The following MTA3 variants were observed in gnomAD, a reference collection of about 807,000 sequenced individuals.
MTA3 encodes metastasis associated 1 family member 3.
MTA3 carries 34 observed loss-of-function variants against 83.5 expected under a neutral mutation model. The observed-to-expected ratio is 0.41, with a 90% CI of 0.31 to 0.54. The LOEUF is 0.54. MTA3 is among the 20% of genes least tolerant of loss of function. The probability of loss-of-function intolerance (pLI) is 0.33; values close to 1 mark genes in which losing one functional copy is unlikely to be tolerated. For synonymous variants in MTA3, 303 were observed against 252.7 expected, an observed-to-expected ratio of 1.20 and a Z score of -1.89; for missense variants, 761 against 726.4, an observed-to-expected ratio of 1.05 and a Z score of -0.55.
intron 5 of MTA3, among the ~76,000 whole-genome samples, chr2:42,643,736 G>A (rs1410919400): frequency 2.0e-5 from 3 of 152,204 alleles, no homozygotes; most frequent in Non-Finnish European, 2.9e-5. Flanking sequence ...CCTGGTATCT[G>A]TGAAGTCTTC....
At chr2:42,637,207 A>G (rs1000273011) in intron 4 of MTA3, among the ~76,000 whole-genome samples, 2 of 152,232 alleles carry the variant, frequency 1.3e-5, no homozygotes, top group African/African-American at 4.8e-5. Flanking sequence ...TTTTCTTTAT[A>G]GCAATTCTGT....
chr2:42,661,374 G>T (rs374303482), intron 8 of MTA3, among the ~76,000 whole-genome samples: 146 of 151,904 alleles, frequency 9.6e-4, no homozygotes, highest in Non-Finnish European at 1.7e-3. Flanking sequence ...GGTGGCATGC[G>T]CCTGTCTTCC....
chr2:42,529,285 A>T (rs1459626097), intron 2 of MTA3, among the ~76,000 whole-genome samples: 1 of 152,154 alleles, frequency 6.6e-6, no homozygotes, highest in Non-Finnish European at 1.5e-5. Flanking sequence ...TCCTATTCTA[A>T]GCAGTCCCCA....
chr2:42,657,643 G>A (rs1288968365), intron 7 of MTA3, among the ~76,000 whole-genome samples: 1 of 151,728 alleles, frequency 6.6e-6, no homozygotes, highest in Non-Finnish European at 1.5e-5. Context: ...AAATAATCTT[G>A]TAGGCTGGGA....
chr2:42,560,985 A>G (rs1677648837), intron 2 of MTA3, among the ~76,000 whole-genome samples: 2 of 152,180 alleles, frequency 1.3e-5, no homozygotes, highest in Non-Finnish European at 2.9e-5. Context: ...TATATTTAGA[A>G]TAAAATCCAA....
chr2:42,617,484 A>C (rs1223377666), intron 4 of MTA3, among the ~76,000 whole-genome samples: 1 of 152,216 alleles, frequency 6.6e-6, no homozygotes, highest in Non-Finnish European at 1.5e-5. Flanking sequence ...ATGAGTAGAT[A>C]GATATATAAT....
intron 4 of MTA3, among the ~76,000 whole-genome samples, chr2:42,628,149 T>G (rs1686304669): frequency 6.6e-6 from 1 of 152,184 alleles, no homozygotes; most frequent in Non-Finnish European, 1.5e-5. Context: ...TCCAAAGTGT[T>G]GGGATTACAT....
Position 42,754,123 on chromosome 2 carries a change from T to C in MTA3, c.*724T>C, listed in dbSNP as rs2104613548. The C allele has an allele frequency of 1.0e-6, 1 of 985,490 alleles. No individual in the cohort carries two copies. 61.0% of individuals were successfully genotyped at this position (985,490 alleles called of 1,614,324 possible). A position where few individuals can be genotyped will look rare whatever the true frequency, so the allele number is the denominator to read the frequency against. ...AACTGGTGTTCTGCCCGGCTCTGCTTGGTCACAGACAGCTCCAGCAAGAGC... is the reference window on the plus strand; with the variant it reads ...AACTGGTGTTCTGCCCGGCTCTGCTCGGTCACAGACAGCTCCAGCAAGAGC... On this transcript the variant is annotated 3_prime_UTR_variant, in exon 17 of 17. Transcript: ENST00000405094.
In MTA3 at chr2:42,753,552, A is replaced by T. The variant is rs539203943; in HGVS notation, c.*153A>T. Reference sequence around the variant, plus strand: ...GGAGACGCAATGGGGCGGGGAAGGAACTGTGGGAGTGCACGTTCCAAATCC... The same window carrying T: ...GGAGACGCAATGGGGCGGGGAAGGATCTGTGGGAGTGCACGTTCCAAATCC... On this transcript the variant is annotated 3_prime_UTR_variant, in exon 17 of 17. Transcript: ENST00000405094. The T allele has an allele frequency of 2.7e-4, 389 of 1,462,666 alleles. 4 individuals carry two copies. In the South Asian group the frequency reaches 5.2e-3, roughly 20 times the overall value. The allele number at this position is 1,462,666 out of a possible 1,614,324, so 90.6% of individuals were successfully genotyped here. A position where few individuals can be genotyped will look rare whatever the true frequency, so the allele number is the denominator to read the frequency against.
intron 8 of MTA3, among the ~76,000 whole-genome samples, chr2:42,668,646 T>C: frequency 6.6e-6 from 1 of 152,224 alleles, no homozygotes; most frequent in South Asian, 2.1e-4. Flanking sequence ...TCTGATTTTA[T>C]AGCCTTATTG....
intron 8 of MTA3, among the ~76,000 whole-genome samples, chr2:42,660,299 G>T (rs1169539719): frequency 6.6e-6 from 1 of 152,286 alleles, no homozygotes; most frequent in African/African-American, 2.4e-5. Context: ...ATGTTGGCCA[G>T]GTTGGTCTCA....
At chr2:42,640,698 G>A (rs894500796) in intron 5 of MTA3, among the ~76,000 whole-genome samples, 5 of 152,130 alleles carry the variant, frequency 3.3e-5, no homozygotes, top group Non-Finnish European at 7.4e-5. Flanking sequence ...ACCTCAACAA[G>A]AAATGTAGTT....
intron 3 of MTA3, among the ~76,000 whole-genome samples, chr2:42,602,191 G>A (rs1682661177): frequency 6.6e-6 from 1 of 151,964 alleles, no homozygotes; most frequent in Admixed American, 6.6e-5. Context: ...TGCCTAGGCT[G>A]GTCTGGATCT....
chr2:42,756,594 G>A lies in MTA3; in HGVS notation c.*3195G>A. 1 of 985,694 alleles carries A rather than the reference G, an allele frequency of 1.0e-6. No individual in the cohort carries two copies. Among genetic ancestry groups the A allele is most frequent in the Non-Finnish European group, 1.2e-6 (1 of 830,106 alleles). The allele number at this position is 985,694 out of a possible 1,614,324, so 61.1% of individuals were successfully genotyped here. A position where few individuals can be genotyped will look rare whatever the true frequency, so the allele number is the denominator to read the frequency against. ...TGCCCCGTGGGTGTTTGGAGATTCT[G>A]TTTTACTCTGCCTAGAGAGGAAACG... On this transcript the variant is annotated 3_prime_UTR_variant, in exon 17 of 17. Transcript: ENST00000405094.
At chr2:42,627,307 G>T (rs1686201296) in intron 4 of MTA3, among the ~76,000 whole-genome samples, 1 of 151,998 alleles carries the variant, frequency 6.6e-6, no homozygotes, top group South Asian at 2.1e-4. Context: ...CTAACTCCTG[G>T]CCTCAAGTGA....
chr2:42,691,927 G>A (rs1163959482), intron 9 of MTA3, among the ~76,000 whole-genome samples: 2 of 152,198 alleles, frequency 1.3e-5, no homozygotes, highest in Non-Finnish European at 1.5e-5. Flanking sequence ...TTTTGCTCTC[G>A]TTGCTTTTGA....
chr2:42,682,320 A>G, intron 8 of MTA3, 81 bp from the exon 9 acceptor site: 1 of 991,832 alleles, frequency 1.0e-6, no homozygotes, highest in Admixed American at 3.0e-5. Flanking sequence ...AGTACATCAT[A>G]TATTTTAGTG....
At chr2:42,726,224 C>T (rs6737540) in intron 16 of MTA3, among the ~76,000 whole-genome samples, 82,392 of 151,446 alleles carry the variant, frequency 0.54, 22,894 homozygotes, top group Middle Eastern at 0.67. Flanking sequence ...GCAGAAGAAA[C>T]TGAATTGGAA....
chr2:42,665,825 T>A (rs1298204366), intron 8 of MTA3, among the ~76,000 whole-genome samples: 1 of 152,192 alleles, frequency 6.6e-6, no homozygotes, highest in Non-Finnish European at 1.5e-5. Context: ...ATACATTGTA[T>A]AAGGACTGAC....
Sources: gnomAD v4.1 joint callset for allele counts (sites outside exome capture counted in the v4.1 genomes callset) on GRCh38, gnomAD v4.1.1 for gene constraint, MANE v1.5 for transcripts, NCBI Gene and HGNC (gene_info 2026-07-23, HGNC 2026-07-21) for gene names.